PLXND1: variants seen among roughly 807,000 people sequenced by gnomAD.
PLXND1 encodes plexin D1, also known as plexin-D1.
PLXND1 carries 54 observed loss-of-function variants against 197.7 expected under a neutral mutation model. The ratio of observed to expected loss-of-function variants is 0.27; its 90% CI spans 0.22 to 0.34. The LOEUF (loss-of-function observed/expected upper bound fraction) is 0.34, where lower values mean the gene tolerates loss of function less well. Ranked by LOEUF, PLXND1 falls within the 10% of genes least tolerant of loss-of-function variation. The pLI is 1.00. For synonymous variants in PLXND1, 1,180 were observed against 1,161.2 expected, an observed-to-expected ratio of 1.02 and a Z score of -0.33; for missense variants, 2,127 against 2,699.2, an observed-to-expected ratio of 0.79 and a Z score of 4.70.
chr3:129,605,888 T>C lies in PLXND1; in HGVS notation c.752A>G (p.Lys251Arg), dbSNP rs2085785010. The C allele has an allele frequency of 6.2e-7, 1 of 1,613,454 alleles. No individual in the cohort carries two copies. Among genetic ancestry groups the C allele is most frequent in the East Asian group, 2.2e-5 (1 of 44,824 alleles). The stretch of plus-strand genomic sequence containing the variant: ...GGGGTTGAGGTCGAAGGTGAAGAGC[T>C]TGGCCAGGTCGCCGCGCGTGTCCAG... ...RSLDTRGDLA[K>R]LFTFDLNPSD... is the part of the protein sequence containing the mutation. Residue 251 changes from lysine (K) to arginine (R), a missense_variant, in exon 1 of 36, where the codon AAG (lysine) becomes AGG (arginine). By Grantham distance (26) the Lys-to-Arg change is conservative. Around this residue, in one of 6 missense-constraint regions of PLXND1, gnomAD observed 1,095 missense variants for 1,259.8 expected, o/e 0.87. Transcript: ENST00000324093.
Position 129,606,437 on chromosome 3 carries a change from G to C in PLXND1, c.203C>G (p.Ala68Gly). 4 of 1,481,068 alleles carry C rather than the reference G, an allele frequency of 2.7e-6. No individual in the cohort carries two copies. The highest frequency in any genetic ancestry group is 2.1e-4 in the Middle Eastern group (1 of 4,812). The allele number at this position is 1,481,068 out of a possible 1,614,324, so 91.7% of individuals were successfully genotyped here. ...PTNNFALDGA[A>G]GTVYLAAVNR... is the part of the protein sequence containing the mutation. ...GACGGCCGCCAGGTACACGGTCCCC[G>C]CCGCGCCGTCCAGGGCGAAGTTGTT... Residue 68 changes from alanine (A) to glycine (G), a missense_variant, in exon 1 of 36, where the codon GCG (alanine) becomes GGG (glycine). Physicochemically the swap from Ala to Gly is moderately conservative, Grantham distance 60. Around this residue, in one of 6 missense-constraint regions of PLXND1, gnomAD observed 245 missense variants for 267.1 expected, o/e 0.92. Transcript: ENST00000324093.
intron 1 of PLXND1, chr3:129,591,311 G>A (rs1268869723): frequency 6.6e-6 from 1 of 152,278 alleles, no homozygotes; most frequent in Non-Finnish European, 1.5e-5. Flanking sequence ...TCCGCATAGA[G>A]GCTGGGATGA....
At position 129,584,131 on chromosome 3, in the gene PLXND1, TG is replaced by T; in HGVS notation, c.2131del (p.His711ThrfsTer91). On this transcript the variant is annotated frameshift_variant, in exon 7 of 36. Coordinates refer to ENST00000324093, the MANE Select transcript of PLXND1 (RefSeq NM_015103.3). LOFTEE classifies it high-confidence loss of function. ...AGCCACCCAAGCCACTCACGCTGTG[TG>T]GGGGTACACTTGTGCAGTGCGGCTG... ...DCSRTAQVYP[H>X]TACTSCLSAQ... The T allele has an allele frequency of 6.4e-7, 1 of 1,557,264 alleles. No individual in the cohort carries two copies. Among genetic ancestry groups the T allele is most frequent in the Non-Finnish European group, 8.7e-7 (1 of 1,148,374 alleles).
At chr3:129,566,499 C>T in intron 23 of PLXND1, 28 bp downstream of exon 23, 1 of 1,384,238 alleles carries the variant, frequency 7.2e-7, no homozygotes, top group Non-Finnish European at 1.0e-6. Context: ...TGAAGCAGCC[C>T]ACTGTGTGTG....
chr3:129,561,780 G>A lies in PLXND1; in HGVS notation c.4929+20C>T, dbSNP rs1486657583. 6.3e-7 allele frequency: 1 copy of A among 1,583,604 alleles called. No homozygotes were observed. ...GGGGGCATGAGGGTGGGGAAATGGG[G>A]GCGGGGGGCAGGGCTGCACCTTGTA... On this transcript the variant is annotated intron_variant, in intron 28 of 35. Coordinates refer to ENST00000324093, the MANE Select transcript of PLXND1 (RefSeq NM_015103.3).
chr3:129,575,586 T>A (rs374590713), intron 10 of PLXND1, 24 bp from the exon 11 acceptor site: 48 of 1,519,570 alleles, frequency 3.2e-5, no homozygotes, highest in Non-Finnish European at 4.0e-5. Flanking sequence ...GAAAAGAGCA[T>A]AGGGGGCATG....
chr3:129,565,802 A>C, intron 24 of PLXND1, 85 bp downstream of exon 24: 1 of 1,445,190 alleles, frequency 6.9e-7, no homozygotes, highest in Non-Finnish European at 9.5e-7. Flanking sequence ...CAAGAGCCCC[A>C]GAGCCCCAGG....
At chr3:129,597,422 A>C (rs2085641229) in intron 1 of PLXND1, among the ~76,000 whole-genome samples, 1 of 152,156 alleles carries the variant, frequency 6.6e-6, no homozygotes, top group Non-Finnish European at 1.5e-5. Context: ...AGAAGGGCAC[A>C]GGCAAGGGGG....
At chr3:129,574,201 T>G in intron 12 of PLXND1, 135 bp downstream of exon 12, 1 of 742,150 alleles carries the variant, frequency 1.3e-6, no homozygotes, top group Non-Finnish European at 2.1e-6. Context: ...GCACTTCCTT[T>G]TGTTCACAGG....
At position 129,557,860 on chromosome 3, in the gene PLXND1, G is replaced by A. The variant is rs900057065; in HGVS notation, c.5445+568C>T. 1.3e-5 allele frequency among the ~76,000 whole-genome samples: 2 copies of A among 152,112 alleles called. No homozygotes were observed. Among genetic ancestry groups the A allele is most frequent in the Admixed American group, 6.5e-5 (1 of 15,280 alleles). On this transcript the variant is annotated intron_variant, in intron 33 of 35. Transcript: ENST00000324093. The surrounding 1 kb of genome is among the most constrained non-coding windows in gnomAD (Gnocchi z 4.8). ...AATCTCATCCCTGCTCACAGCAACC[G>A]GCTGCTTTCCTGCCTCCCTGTCTTT...
chr3:129,581,601 CG>C (rs1213527645), intron 8 of PLXND1, among the ~76,000 whole-genome samples: 1 of 152,182 alleles, frequency 6.6e-6, no homozygotes, highest in South Asian at 2.1e-4. Flanking sequence ...TGGTATCTTA[CG>C]GGCATAATTC....
chr3:129,558,579 T>C lies in PLXND1; in HGVS notation c.5298-4A>G. ...CACCCAGAACCGGAGAGGAAGGCTG[T>C]GGGGTAGGGTGACAAAGACAGTGAG... is the stretch of plus-strand genomic sequence containing the variant. On this transcript the variant is annotated splice_polypyrimidine_tract_variant and splice_region_variant and intron_variant, in intron 32 of 35. Coordinates refer to ENST00000324093, the MANE Select transcript of PLXND1 (RefSeq NM_015103.3). This position sits in a 1 kb window ranked among gnomAD's most constrained non-coding sequence, Gnocchi z 4.1. 1 of 1,613,418 alleles carries C rather than the reference T, an allele frequency of 6.2e-7. No homozygotes were observed. Among genetic ancestry groups the C allele is most frequent in the Non-Finnish European group, 8.5e-7 (1 of 1,179,668 alleles).
chr3:129,584,046 G>A (rs999146882), intron 7 of PLXND1, 79 bp downstream of exon 7: 1 of 876,712 alleles, frequency 1.1e-6, no homozygotes, highest in Non-Finnish European at 1.9e-6. Flanking sequence ...TCTTCTCAGG[G>A]CCCCCTGAAA....
At chr3:129,594,137 G>A (rs1291836040) in intron 1 of PLXND1, among the ~76,000 whole-genome samples, 2 of 152,330 alleles carry the variant, frequency 1.3e-5, no homozygotes, top group East Asian at 3.9e-4. Flanking sequence ...AAAATCCAGC[G>A]GTTCCGTCAC....
chr3:129,573,808 C>A, intron 12 of PLXND1, 63 bp from the exon 13 acceptor site: 2 of 1,563,202 alleles, frequency 1.3e-6, no homozygotes, highest in South Asian at 1.2e-5. Context: ...AGGCTTCTGC[C>A]CACAGTCACA....
rs377440406 is a variant in PLXND1 at position 129,575,847 on chromosome 3, G to A, written c.2355C>T (p.Ala785=). 1.2e-5 allele frequency: 19 copies of A among 1,610,518 alleles called. No individual in the cohort carries two copies. The South Asian group carries it at 1.3e-4, about 11-fold the overall frequency. Residue 785 remains alanine, a synonymous_variant, in exon 10 of 36, where the codon GCC becomes GCT. Coordinates refer to ENST00000324093, the MANE Select transcript of PLXND1 (RefSeq NM_015103.3). Reference sequence around the variant, plus strand: ...CCTCCAGCCCAAAACTACACTCCAGGGCTGCACCCTGTGGGAAACAGGGAG... The same window carrying A: ...CCTCCAGCCCAAAACTACACTCCAGAGCTGCACCCTGTGGGAAACAGGGAG... The part of the protein sequence containing the change: ...LANTAFFQGA[A]LECSFGLEEI...
intron 30 of PLXND1, 76 bp from the exon 31 acceptor site, chr3:129,560,510 T>C: frequency 9.2e-7 from 1 of 1,091,412 alleles, no homozygotes; most frequent in Non-Finnish European, 1.4e-6. Flanking sequence ...GGCTCTGCCA[T>C]GCTTCTTAGC....
Position 129,571,118 on chromosome 3 carries a change from G to A in PLXND1, c.3522C>T (p.Pro1174=). ...RGSRFRLDYL[P]NPQFSTAKRE... is the part of the protein sequence containing the mutation. The stretch of plus-strand genomic sequence containing the variant: ...TCTTGGCCGTAGAGAACTGTGGGTT[G>A]GGGAGGTAGTCCAGGCGGAACCTGC... The change falls in exon 18 of 36, where the codon CCC becomes CCT. Residue 1174 remains proline (P), a synonymous_variant. Transcript: ENST00000324093. 3 of 1,614,216 alleles carry A rather than the reference G, an allele frequency of 1.9e-6. No homozygotes were observed. The Middle Eastern group carries it at 4.9e-4, about 266-fold the overall frequency.
chr3:129,568,256 G>A (rs1441793887), intron 20 of PLXND1, among the ~76,000 whole-genome samples: 2 of 152,132 alleles, frequency 1.3e-5, no homozygotes, highest in Non-Finnish European at 2.9e-5. Context: ...ACTTTTAAAA[G>A]CAGATTACAA....
Sources: allele counts gnomAD v4.1 joint callset (sites outside exome capture counted in the v4.1 genomes callset), GRCh38; gene constraint gnomAD v4.1.1; regional missense constraint gnomAD v4.1.1; non-coding constraint Gnocchi (gnomAD v3.1); transcripts MANE v1.5; gene names NCBI Gene and HGNC (gene_info 2026-07-23, HGNC 2026-07-21).